COQ3: variants seen among roughly 807,000 people sequenced by gnomAD.
The protein encoded by COQ3 is coenzyme Q3, methyltransferase.
COQ3 carries 29 observed loss-of-function variants against 33.1 expected under a neutral mutation model. The ratio of observed to expected loss-of-function variants is 0.88; its 90% CI spans 0.65 to 1.19. The LOEUF is 1.19. Ranked by LOEUF, COQ3 falls within the 50% of genes most tolerant of loss-of-function variation. COQ3 has a pLI of 0.00. For missense variants in COQ3, 437 were observed against 430.7 expected (o/e 1.01, Z -0.13); for synonymous variants, 173 against 157.8 (o/e 1.10, Z -0.72).
intron 2 of COQ3, among the ~76,000 whole-genome samples, chr6:99,380,996 C>G (rs1030889154): frequency 1.3e-5 from 2 of 152,088 alleles, no homozygotes; most frequent in Non-Finnish European, 2.9e-5. Context: ...CATATATTAC[C>G]TCACTTAATC....
At chr6:99,383,484 T>C (rs1310565072) in intron 2 of COQ3, among the ~76,000 whole-genome samples, 1 of 152,230 alleles carries the variant, frequency 6.6e-6, no homozygotes, top group Non-Finnish European at 1.5e-5. Context: ...ATTGTCTATA[T>C]ACTGTATTAT....
chr6:99,380,123 A>G lies in COQ3; in HGVS notation c.386+66T>C. 3 of 1,488,380 alleles carry G rather than the reference A, an allele frequency of 2.0e-6. No individual in the cohort carries two copies. In the South Asian group the frequency reaches 3.7e-5, roughly 18 times the overall value. The allele number at this position is 1,488,380 out of a possible 1,614,324, so 92.2% of individuals were successfully genotyped here. ...TAACTAGGTATAAACTAAGAAAAAA[A>G]TGAATGTGAAATATGAATTCTTAAA... On this transcript the variant is annotated intron_variant, in intron 3 of 6. Transcript: ENST00000254759.
intron 5 of COQ3, among the ~76,000 whole-genome samples, chr6:99,375,044 A>G (rs1220791147): frequency 6.9e-6 from 1 of 145,326 alleles, no homozygotes. Context: ...ATCTCGGCTC[A>G]CTGCAACCTC....
In COQ3 at chr6:99,377,272, C is replaced by A. The variant is rs7741032; in HGVS notation, c.486+114G>T. ...TGATCCACCCACCCTGGCCTCCCAA[C>A]ATGCATTTCTTTTTTTAATGAATAA... On this transcript the variant is annotated intron_variant, in intron 4 of 6. Coordinates refer to ENST00000254759, the MANE Select transcript of COQ3 (RefSeq NM_017421.4). The A allele has an allele frequency of 6.7e-3, 5,812 of 871,614 alleles. 269 individuals are homozygous for A. The African/African-American group carries it at 0.088, about 13-fold the overall frequency. 54.0% of individuals were successfully genotyped at this position (871,614 alleles called of 1,614,324 possible). A position where few individuals can be genotyped will look rare whatever the true frequency, so the allele number is the denominator to read the frequency against.
intron 3 of COQ3, among the ~76,000 whole-genome samples, chr6:99,378,501 T>C (rs1262786839): frequency 6.6e-6 from 1 of 152,146 alleles, no homozygotes. Flanking sequence ...TGGGTTATTA[T>C]GTGTGATCTC....
Position 99,371,456 on chromosome 6 carries a change from A to C in COQ3, c.861T>G (p.Pro287=), listed in dbSNP as rs768030851. The change falls in exon 6 of 7, where the codon CCT becomes CCG. Residue 287 remains proline, a synonymous_variant. Coordinates refer to ENST00000254759, the MANE Select transcript of COQ3 (RefSeq NM_017421.4). ...ATTCCAGAATGCTCTCTAGTGTTTC[A>C]GGTGAAACAAACTTCTCCCATGTAT... The part of the protein sequence containing the change: ...GTHTWEKFVS[P]ETLESILESN... 1 of 1,598,464 alleles carries C rather than the reference A, an allele frequency of 6.3e-7. No homozygotes were observed. The highest frequency in any genetic ancestry group is 1.8e-5 in the Admixed American group (1 of 55,396).
At chr6:99,378,740 T>G (rs1345549954) in intron 3 of COQ3, among the ~76,000 whole-genome samples, 1 of 152,134 alleles carries the variant, frequency 6.6e-6, no homozygotes, top group East Asian at 1.9e-4. Flanking sequence ...ACATTTCTGT[T>G]TTTCTTTGCT....
At position 99,394,160 on chromosome 6, in the gene COQ3, A is replaced by T. The variant is rs760722859; in HGVS notation, c.20T>A (p.Leu7Gln). Residue 7 changes from leucine (L) to glutamine (Q), a missense_variant, in exon 1 of 7, where the codon CTG (leucine) becomes CAG (glutamine). Leu to Gln is a moderately radical substitution (Grantham distance 113). Transcript: ENST00000254759. MWSGRK[L>Q]GSSGGWFLRV... ...TAAAAACCAACCCCCGGAGGAGCCC[A>T]GCTTACGGCCACTCCACATCGCGAC... 2.5e-6 allele frequency: 4 copies of T among 1,604,508 alleles called. No individual in the cohort carries two copies. The East Asian group carries it at 9.1e-5, about 37-fold the overall frequency.
At chr6:99,393,995 G>T in intron 1 of COQ3, 79 bp downstream of exon 1, 1 of 1,197,456 alleles carries the variant, frequency 8.4e-7, no homozygotes, top group Non-Finnish European at 1.2e-6. Context: ...ACAACCCACC[G>T]CCCCACCCCC....
At chr6:99,377,351 T>C (rs7764793) in intron 4 of COQ3, 35 bp downstream of exon 4, 543,477 of 1,392,144 alleles carry the variant, frequency 0.39, 108,161 homozygotes, top group Admixed American at 0.59. Context: ...AATTTTTTTC[T>C]CCCAGTTAAA....
rs139543322 is a variant in COQ3 at position 99,383,713 on chromosome 6, C to T, written c.218G>A (p.Arg73Lys). 2.5e-6 allele frequency: 4 copies of T among 1,586,560 alleles called. No individual in the cohort carries two copies. Among genetic ancestry groups the T allele is most frequent in the Non-Finnish European group, 3.4e-6 (4 of 1,171,076 alleles). The change falls in exon 2 of 7, where the codon AGA (arginine) becomes AAA (lysine). Residue 73 changes from arginine (R) to lysine (K), a missense_variant. Coordinates refer to ENST00000254759, the MANE Select transcript of COQ3 (RefSeq NM_017421.4). ...ATAAACCCACCTGAAACTCTTTATT[C>T]TGTTCAAACAGGAAAAGATCGTCCT... is the stretch of plus-strand genomic sequence containing the variant. ...SYRTIFSCLN[R>K]IKSFRYPWAR...
At position 99,372,574 on chromosome 6, in the gene COQ3, C is replaced by T. The variant is rs556589180; in HGVS notation, c.730-987G>A. ...CTGGGATTACAGGTGCCTGCCACCA[C>T]GCCCGGCTAATGTTTGTATTTTTAG... is the stretch of plus-strand genomic sequence containing the variant. On this transcript the variant is annotated intron_variant, in intron 5 of 6. Transcript: ENST00000254759. Among the ~76,000 whole-genome samples the T allele has an allele frequency of 9.7e-4, 148 of 152,002 alleles. 1 individual carries two copies. The highest frequency in any genetic ancestry group is 3.4e-3 in the Middle Eastern group (1 of 294).
chr6:99,393,214 T>A (rs1774878766), intron 1 of COQ3, among the ~76,000 whole-genome samples: 1 of 152,014 alleles, frequency 6.6e-6, no homozygotes, highest in Non-Finnish European at 1.5e-5. Context: ...TTTGGCTCCT[T>A]CCAGGAAACA....
intron 6 of COQ3, among the ~76,000 whole-genome samples, chr6:99,370,530 G>C (rs975427958): frequency 6.6e-6 from 1 of 151,570 alleles, no homozygotes. Flanking sequence ...TGTATTTTTA[G>C]TAGAGACAGG....
chr6:99,381,861 G>A (rs760897032), intron 2 of COQ3, among the ~76,000 whole-genome samples: 167 of 151,552 alleles, frequency 1.1e-3, no homozygotes, highest in Middle Eastern at 3.4e-3. Context: ...GGGAGGTGGA[G>A]GCTACAGTGA....
chr6:99,394,184 A>G lies in COQ3; in HGVS notation c.-5T>C. The G allele has an allele frequency of 6.4e-7, 1 of 1,570,554 alleles. No individual in the cohort carries two copies. The highest frequency in any genetic ancestry group is 1.1e-5 in the South Asian group (1 of 87,516). ...CAGCTTACGGCCACTCCACATCGCG[A>G]CAAACGATCCCACCTCTTTTCCGGT... On this transcript the variant is annotated 5_prime_UTR_variant, in exon 1 of 7. Coordinates refer to ENST00000254759, the MANE Select transcript of COQ3 (RefSeq NM_017421.4).
chr6:99,373,444 A>AG (rs1204766675), intron 5 of COQ3, among the ~76,000 whole-genome samples: 4 of 152,090 alleles, frequency 2.6e-5, no homozygotes, highest in Admixed American at 2.6e-4. Flanking sequence ...AAAAAAAAAA[A>AG]AAAGTCACTT....
chr6:99,391,774 G>A (rs559657027), intron 1 of COQ3, among the ~76,000 whole-genome samples: 14 of 152,164 alleles, frequency 9.2e-5, no homozygotes, highest in East Asian at 3.9e-4. Flanking sequence ...CAAGGTGGGC[G>A]GCCTGCTTGA....
At position 99,377,390 on chromosome 6, in the gene COQ3, G is replaced by A; in HGVS notation, c.482C>T (p.Thr161Ile). 2 of 1,611,322 alleles carry A rather than the reference G, an allele frequency of 1.2e-6. No homozygotes were observed. Among genetic ancestry groups the A allele is most frequent in the Non-Finnish European group, 1.7e-6 (2 of 1,177,806 alleles). The change falls in exon 4 of 7, where the codon ACT becomes ATT. Residue 161 changes from threonine (T) to isoleucine (I), a missense_variant. By Grantham distance (89) the Thr-to-Ile change is moderately conservative (BLOSUM62 -1). Transcript: ENST00000254759. ...GGCAGGAAAGCTGTCACTTACTTCAGTTAACAGCCCACCACCACAGCCAAC... is the reference window on the plus strand; with the variant it reads ...GGCAGGAAAGCTGTCACTTACTTCAATTAACAGCCCACCACCACAGCCAAC... ...LDVGCGGGLLTEPLGRLGASV... is the reference protein window; with the variant it reads ...LDVGCGGGLLIEPLGRLGASV...
Sources: allele counts gnomAD v4.1 joint callset (sites outside exome capture counted in the v4.1 genomes callset), GRCh38; gene constraint gnomAD v4.1.1; transcripts MANE v1.5; gene names NCBI Gene and HGNC (gene_info 2026-07-23, HGNC 2026-07-21).